Variants in IQCB1 observed in about 807,000 individuals in gnomAD.
IQCB1 encodes the protein IQ motif containing B1.
Under a neutral mutation model 84.4 loss-of-function variants are expected in IQCB1, and 56 were observed. The ratio of observed to expected loss-of-function variants is 0.66; its 90% CI spans 0.54 to 0.83. The LOEUF (loss-of-function observed/expected upper bound fraction) is 0.83. Among genes scored for constraint, IQCB1 ranks in the 40% least tolerant of loss-of-function variants. The pLI, the probability that IQCB1 is intolerant of heterozygous loss-of-function variation, is 0.00. For synonymous variants in IQCB1, 210 were observed against 234.8 expected, an observed-to-expected ratio of 0.89 and a Z score of 0.96; for missense variants, 629 against 682.1, an observed-to-expected ratio of 0.92 and a Z score of 0.87.
intron 13 of IQCB1, among the ~76,000 whole-genome samples, chr3:121,776,203 G>A (rs536067884): frequency 5.9e-5 from 9 of 152,096 alleles, no homozygotes; most frequent in Non-Finnish European, 1.3e-4. Flanking sequence ...GGAATTATGG[G>A]CGTGAGTCAC....
intron 11 of IQCB1, among the ~76,000 whole-genome samples, chr3:121,789,213 C>T (rs1000581483): frequency 1.3e-5 from 2 of 152,182 alleles, no homozygotes; most frequent in African/African-American, 2.4e-5. Flanking sequence ...AAACTATCCA[C>T]AAGTGGCTAC....
At chr3:121,776,768 T>TTCC (rs1385745030) in intron 13 of IQCB1, among the ~76,000 whole-genome samples, 10 of 152,212 alleles carry the variant, frequency 6.6e-5, no homozygotes, top group Non-Finnish European at 1.5e-4. Flanking sequence ...TTTCATGTGT[T>TTCC]TATTTGTCAT....
At chr3:121,818,289 T>G (rs1950147749) in intron 5 of IQCB1, among the ~76,000 whole-genome samples, 1 of 152,244 alleles carries the variant, frequency 6.6e-6, no homozygotes, top group Admixed American at 6.5e-5. Flanking sequence ...GTTTGCATAT[T>G]AATATAATGT....
Position 121,770,171 on chromosome 3 carries a change from A to G in IQCB1, c.*174T>C. 1.7e-6 allele frequency: 1 copy of G among 598,266 alleles called. No individual in the cohort carries two copies. The highest frequency in any genetic ancestry group is 3.0e-6 in the Non-Finnish European group (1 of 337,126). 37.1% of individuals were successfully genotyped at this position (598,266 alleles called of 1,614,324 possible). On this transcript the variant is annotated 3_prime_UTR_variant, in exon 15 of 15. Coordinates refer to ENST00000310864, the MANE Select transcript of IQCB1 (RefSeq NM_001023570.4). ...AACGATGAGGATACAGAGAAAAGAA[A>G]AAGAAAATTGAGAGAGAGGTAGAAT...
At chr3:121,824,598 G>A (rs1382295604) in intron 5 of IQCB1, among the ~76,000 whole-genome samples, 3 of 148,762 alleles carry the variant, frequency 2.0e-5, no homozygotes, top group Non-Finnish European at 4.4e-5. Flanking sequence ...TGTGACCTGA[G>A]TCCATGAGTA....
chr3:121,792,661 CAAAA>C (rs56685889), intron 10 of IQCB1, among the ~76,000 whole-genome samples: 1 of 76,186 alleles, frequency 1.3e-5, no homozygotes, highest in African/African-American at 5.1e-5. Context: ...GACTCCGTCT[CAAAA>C]AAAAAAAAAA....
chr3:121,834,061 AG>A (rs1293915681), intron 2 of IQCB1: 6 of 152,374 alleles, frequency 3.9e-5, no homozygotes, highest in African/African-American at 1.4e-4. Flanking sequence ...AGTATAAAGC[AG>A]GGGTTCAAAC....
intron 7 of IQCB1, among the ~76,000 whole-genome samples, chr3:121,804,727 C>A (rs997692490): frequency 1.3e-5 from 2 of 152,052 alleles, no homozygotes; most frequent in Non-Finnish European, 2.9e-5. Context: ...CAGGGTTTGA[C>A]GACCTTTTTG....
intron 7 of IQCB1, among the ~76,000 whole-genome samples, chr3:121,803,434 A>G (rs997449997): frequency 1.3e-5 from 2 of 152,206 alleles, no homozygotes; most frequent in African/African-American, 4.8e-5. Context: ...TGAAAAGAAC[A>G]TGTATTCTGC....
intron 5 of IQCB1, among the ~76,000 whole-genome samples, chr3:121,816,952 A>G (rs1950085750): frequency 6.6e-6 from 1 of 152,216 alleles, no homozygotes; most frequent in Non-Finnish European, 1.5e-5. Flanking sequence ...ATAAAGACAC[A>G]TGCACACGTA....
At chr3:121,790,329 T>C (rs1011883279) in intron 10 of IQCB1, 114 bp from the exon 11 acceptor site, 1 of 906,936 alleles carries the variant, frequency 1.1e-6, no homozygotes, top group African/African-American at 1.7e-5. Context: ...TAATTTCTAG[T>C]GTTAATAAGG....
At chr3:121,773,313 TAAAAA>T (rs57716745) in intron 13 of IQCB1, among the ~76,000 whole-genome samples, 1 of 104,418 alleles carries the variant, frequency 9.6e-6, no homozygotes, top group Admixed American at 1.1e-4. Context: ...GACTCTGCCT[TAAAAA>T]AAAAAAAAAA....
chr3:121,786,603 C>T (rs560928893), intron 12 of IQCB1, among the ~76,000 whole-genome samples: 1 of 152,276 alleles, frequency 6.6e-6, no homozygotes, highest in Non-Finnish European at 1.5e-5. Flanking sequence ...ATAAACATGA[C>T]CTTGACCCAT....
intron 5 of IQCB1, among the ~76,000 whole-genome samples, chr3:121,818,314 A>G (rs1052409337): frequency 6.6e-6 from 1 of 152,242 alleles, no homozygotes; most frequent in African/African-American, 2.4e-5. Flanking sequence ...ATTAATGCCC[A>G]GTTCCACTCT....
At chr3:121,828,342 A>G in intron 4 of IQCB1, 128 bp downstream of exon 4, 2 of 776,470 alleles carry the variant, frequency 2.6e-6, no homozygotes, top group Non-Finnish European at 4.5e-6. Context: ...TATGAAGGAA[A>G]AGTACAACCA....
chr3:121,826,205 T>A (rs941760223), intron 4 of IQCB1, 25 bp from the exon 5 acceptor site: 6 of 1,612,378 alleles, frequency 3.7e-6, no homozygotes, highest in Non-Finnish European at 5.1e-6. Flanking sequence ...CAAGTTCGTG[T>A]TAATTAGAAG....
In IQCB1 at chr3:121,830,229, A is replaced by G. The variant is rs114315124; in HGVS notation, c.-12-1257T>C. 2.9e-3 allele frequency among the ~76,000 whole-genome samples: 435 copies of G among 149,132 alleles called. 2 individuals carry two copies. The highest frequency in any genetic ancestry group is 0.01 in the African/African-American group (412 of 40,862). ...AAAATAATAATAATAATAATTAATA[A>G]ATAAGTAAATAGTATATTGAATAAA... On this transcript the variant is annotated intron_variant, in intron 2 of 14. Transcript: ENST00000310864.
At chr3:121,802,047 C>G (rs558254976) in intron 7 of IQCB1, among the ~76,000 whole-genome samples, 1 of 151,938 alleles carries the variant, frequency 6.6e-6, no homozygotes, top group African/African-American at 2.4e-5. Flanking sequence ...AAATTTTGTT[C>G]AGAACATTTC....
intron 2 of IQCB1, among the ~76,000 whole-genome samples, chr3:121,829,931 G>C (rs1356247188): frequency 2.6e-5 from 4 of 152,138 alleles, no homozygotes; most frequent in Non-Finnish European, 5.9e-5. Flanking sequence ...ATAAGGCCAG[G>C]GGCAGTGGCT....
Sources: allele counts gnomAD v4.1 joint callset (sites outside exome capture counted in the v4.1 genomes callset), GRCh38; gene constraint gnomAD v4.1.1; transcripts MANE v1.5; gene names NCBI Gene and HGNC (gene_info 2026-07-23, HGNC 2026-07-21).